URI1: variants seen among roughly 807,000 people sequenced by gnomAD.
The protein encoded by URI1 is unconventional prefoldin RPB5 interactor 1.
Under a neutral mutation model 60.2 loss-of-function variants are expected in URI1, and 39 were observed. The ratio of observed to expected loss-of-function variants is 0.65; its 90% CI spans 0.50 to 0.85. The LOEUF (loss-of-function observed/expected upper bound fraction) is 0.85. URI1 is among the 40% of genes least tolerant of loss of function. URI1 has a pLI of 0.00. For synonymous variants in URI1, 251 were observed against 236.8 expected, an observed-to-expected ratio of 1.06 and a Z score of -0.55; for missense variants, 691 against 665.9, an observed-to-expected ratio of 1.04 and a Z score of -0.42.
At chr19:29,983,941 A>C (rs1438338944) in intron 2 of URI1, among the ~76,000 whole-genome samples, 2 of 152,160 alleles carry the variant, frequency 1.3e-5, no homozygotes, top group Non-Finnish European at 2.9e-5. Context: ...CTTTTGTATT[A>C]TCTCTACTTA....
At chr19:29,994,862 G>A (rs1335961542) in intron 4 of URI1, among the ~76,000 whole-genome samples, 2 of 151,102 alleles carry the variant, frequency 1.3e-5, no homozygotes, top group Non-Finnish European at 2.9e-5. Flanking sequence ...GCTCACTGCA[G>A]CCTCCGCCTC....
chr19:29,945,809 T>TA (rs1421182299), intron 1 of URI1, among the ~76,000 whole-genome samples: 2 of 152,164 alleles, frequency 1.3e-5, no homozygotes, highest in Admixed American at 6.5e-5. Context: ...ACCATTGTTT[T>TA]AAAAGTACAC....
rs3840928 is a variant in URI1, at chr19:30,009,211, GTGATGATGATGATGA to G, written c.906_920del (p.Asp307_Asp311del). 4 of 1,541,348 alleles carry G rather than the reference GTGATGATGATGATGA, an allele frequency of 2.6e-6. No homozygotes were observed. Among genetic ancestry groups the G allele is most frequent in the Non-Finnish European group, 1.8e-6 (2 of 1,123,508 alleles). On this transcript the variant is annotated inframe_deletion, in exon 8 of 11. Coordinates refer to ENST00000392271, the MANE Select transcript of URI1 (RefSeq NM_003796.3). Reference sequence around the variant, plus strand: ...GTGAATGGTTCCAGTTCTTACCACAGTGATGATGATGATGATGATGATGATGACGACGACGACGAC... The same window carrying G: ...GTGAATGGTTCCAGTTCTTACCACAGTGATGATGATGACGACGACGACGAC...
At chr19:30,003,211 C>T (rs1223050015) in intron 4 of URI1, among the ~76,000 whole-genome samples, 1 of 151,936 alleles carries the variant, frequency 6.6e-6, no homozygotes, top group Non-Finnish European at 1.5e-5. Context: ...TACCATTCTG[C>T]TGTATTTTAT....
intron 4 of URI1, chr19:30,004,369 T>G (rs900765112): frequency 6.6e-6 from 1 of 152,076 alleles, no homozygotes; most frequent in Non-Finnish European, 1.5e-5. Context: ...GATATTTCAC[T>G]TTTAACTCCC....
chr19:29,957,125 AT>A (rs923637789), intron 1 of URI1: 3 of 428,962 alleles, frequency 7.0e-6, no homozygotes, highest in Admixed American at 8.0e-5. Context: ...AAGAAATACA[AT>A]TTATGTTTTG....
At chr19:29,945,472 C>T (rs10414805) in intron 1 of URI1, among the ~76,000 whole-genome samples, 2,476 of 152,234 alleles carry the variant, frequency 0.016, 72 homozygotes, top group African/African-American at 0.057. Context: ...CATGAACAAG[C>T]CACAACCTCT....
At chr19:30,000,943 T>C (rs2055870583) in intron 4 of URI1, among the ~76,000 whole-genome samples, 1 of 152,020 alleles carries the variant, frequency 6.6e-6, no homozygotes, top group Admixed American at 6.6e-5. Flanking sequence ...GTATTGACTT[T>C]AAAATTTTCC....
At chr19:29,948,652 G>A (rs978545428) in intron 1 of URI1, among the ~76,000 whole-genome samples, 1 of 152,160 alleles carries the variant, frequency 6.6e-6, no homozygotes, top group Non-Finnish European at 1.5e-5. Context: ...AGAGCACGGG[G>A]CTGGGGGTAA....
intron 4 of URI1, among the ~76,000 whole-genome samples, chr19:29,996,554 TAG>T (rs371052113): frequency 7.9e-5 from 12 of 152,080 alleles, no homozygotes; most frequent in Middle Eastern, 3.2e-3. Context: ...ATGTTGGTAG[TAG>T]AGAGAACTTG....
chr19:30,004,208 C>T lies in URI1; in HGVS notation c.368-1153C>T, dbSNP rs973829717. On this transcript the variant is annotated intron_variant, in intron 4 of 10. Transcript: ENST00000392271. ...GTGAGATTTTATGAACTGTTTACACCGTAATTTTCATTTTGTTAATGCAGT... is the reference window on the plus strand; with the variant it reads ...GTGAGATTTTATGAACTGTTTACACTGTAATTTTCATTTTGTTAATGCAGT... 3.3e-5 allele frequency: 5 copies of T among 151,894 alleles called. 1 individual carries two copies. Among genetic ancestry groups the T allele is most frequent in the Non-Finnish European group, 5.9e-5 (4 of 67,942 alleles). 9.4% of individuals were successfully genotyped at this position (151,894 alleles called of 1,614,324 possible). A position where few individuals can be genotyped will look rare whatever the true frequency, so the allele number is the denominator to read the frequency against.
chr19:29,976,707 C>G (rs1366912855), intron 2 of URI1, among the ~76,000 whole-genome samples: 2 of 152,118 alleles, frequency 1.3e-5, no homozygotes, highest in Non-Finnish European at 2.9e-5. Flanking sequence ...ACATGTGATG[C>G]CTGGCAGTTC....
chr19:29,951,436 C>T (rs550698393), intron 1 of URI1, among the ~76,000 whole-genome samples: 2 of 152,112 alleles, frequency 1.3e-5, no homozygotes, highest in East Asian at 3.9e-4. Flanking sequence ...TCACAATAAA[C>T]TCATTTTTTT....
chr19:29,929,940 C>CT (rs201789370), intron 1 of URI1, among the ~76,000 whole-genome samples: 2,936 of 136,214 alleles, frequency 0.022, 97 homozygotes, highest in African/African-American at 0.069. Flanking sequence ...GACAGTGTCT[C>CT]TTTTTTTTTT....
chr19:30,009,118 C>G lies in URI1; in HGVS notation c.800C>G (p.Pro267Arg). ...CATCAAGTAACAGACTCTCATACTCCTTGTCATAAGGATGTTGCAAGTTCA... is the reference window on the plus strand; with the variant it reads ...CATCAAGTAACAGACTCTCATACTCGTTGTCATAAGGATGTTGCAAGTTCA... Reference protein sequence around the residue: ...AMHQVTDSHTPCHKDVASSEP... With the variant: ...AMHQVTDSHTRCHKDVASSEP... Residue 267 changes from proline to arginine, a missense_variant, in exon 8 of 11, where the codon CCT becomes CGT. Transcript: ENST00000392271. 1 of 1,613,938 alleles carries G rather than the reference C, an allele frequency of 6.2e-7. No individual in the cohort carries two copies. Among genetic ancestry groups the G allele is most frequent in the South Asian group, 1.1e-5 (1 of 91,072 alleles).
At chr19:29,985,065 A>G (rs756098373) in intron 2 of URI1, among the ~76,000 whole-genome samples, 158 bp from the exon 3 acceptor site, 2 of 125,350 alleles carry the variant, frequency 1.6e-5, no homozygotes, top group Non-Finnish European at 3.2e-5. Flanking sequence ...GGGTGCAGTG[A>G]GCCGAGATCA....
upstream of URI1, among the ~76,000 whole-genome samples, chr19:29,938,228 A>G (rs1169240626): frequency 6.6e-6 from 1 of 152,068 alleles, no homozygotes; most frequent in Non-Finnish European, 1.5e-5. Flanking sequence ...AGCATGTGGC[A>G]CCAACACCTG....
intron 4 of URI1, among the ~76,000 whole-genome samples, chr19:30,001,363 A>AAG (rs569281306): frequency 3.3e-5 from 5 of 151,988 alleles, no homozygotes; most frequent in Admixed American, 1.3e-4. Context: ...GATTCTACAA[A>AAG]AGAGTCTTCT....
intron 1 of URI1, among the ~76,000 whole-genome samples, chr19:29,959,583 T>C (rs76393959): frequency 0.011 from 1,679 of 152,334 alleles, 39 homozygotes; most frequent in African/African-American, 0.038. Context: ...TCTAGTTATA[T>C]CATTTTAGAA....
Sources: gnomAD v4.1 joint callset for allele counts (sites outside exome capture counted in the v4.1 genomes callset) on GRCh38, gnomAD v4.1.1 for gene constraint, MANE v1.5 for transcripts, NCBI Gene and HGNC (gene_info 2026-07-23, HGNC 2026-07-21) for gene names.